PLPP7: variants seen among roughly 807,000 people sequenced by gnomAD.
PLPP7 encodes the protein phospholipid phosphatase 7 (inactive).
In PLPP7, 11 loss-of-function variants were observed where a neutral mutation model predicts 16.9. The ratio of observed to expected loss-of-function variants is 0.65; its 90% confidence interval spans 0.41 to 1.08. The LOEUF (loss-of-function observed/expected upper bound fraction) is 1.08. PLPP7 is among the 50% of genes least tolerant of loss of function. PLPP7 has a pLI of 0.00. For synonymous variants in PLPP7, 174 were observed against 175.1 expected (o/e 0.99, Z 0.05); for missense variants, 358 against 397.1 (o/e 0.90, Z 0.84).
At chr9:131,306,485 C>T (rs1007434695) in intron 1 of PLPP7, among the ~76,000 whole-genome samples, 25 of 148,030 alleles carry the variant, frequency 1.7e-4, no homozygotes, top group East Asian at 2.0e-4. Flanking sequence ...GGCAGTGAGC[C>T]GAGATCATGC....
intron 1 of PLPP7, among the ~76,000 whole-genome samples, chr9:131,307,111 T>C: frequency 6.6e-6 from 1 of 150,382 alleles, no homozygotes; most frequent in Non-Finnish European, 1.5e-5. Context: ...CCAAGCATGG[T>C]AGTGTGCACC....
At chr9:131,301,189 G>A (rs1161240234) in intron 1 of PLPP7, among the ~76,000 whole-genome samples, 1 of 152,062 alleles carries the variant, frequency 6.6e-6, no homozygotes, top group East Asian at 1.9e-4. Context: ...GGCTGGTCTC[G>A]AACTCCTGAC....
chr9:131,292,986 A>C lies in PLPP7; in HGVS notation c.451+2538A>C. 4.1e-6 allele frequency: 4 copies of C among 983,466 alleles called. No individual in the cohort carries two copies. In the South Asian group the frequency reaches 1.9e-4, roughly 46 times the overall value. 60.9% of individuals were successfully genotyped at this position (983,466 alleles called of 1,614,324 possible). A position where few individuals can be genotyped will look rare whatever the true frequency, so the allele number is the denominator to read the frequency against. On this transcript the variant is annotated intron_variant, in intron 1 of 1. Transcript: ENST00000372264. ...GATAGACATTTTTAAAAATCTTTAA[A>C]AACATCATGTATTGAGCTTTATTAT... is the stretch of plus-strand genomic sequence containing the variant.
chr9:131,304,101 A>G (rs1588210311), intron 1 of PLPP7, among the ~76,000 whole-genome samples: 1 of 151,340 alleles, frequency 6.6e-6, no homozygotes, highest in African/African-American at 2.4e-5. Context: ...TGCTGATGCC[A>G]CCCCCACCCC....
At chr9:131,301,883 C>A (rs1455439383) in intron 1 of PLPP7, among the ~76,000 whole-genome samples, 2 of 146,368 alleles carry the variant, frequency 1.4e-5, no homozygotes, top group African/African-American at 5.1e-5. Context: ...GTGGCGCAAT[C>A]TTGGCTCACT....
chr9:131,304,747 A>G (rs1176139750), intron 1 of PLPP7, among the ~76,000 whole-genome samples: 1 of 152,152 alleles, frequency 6.6e-6, no homozygotes, highest in African/African-American at 2.4e-5. Flanking sequence ...AGCCACGGGG[A>G]AAAAAACCTA....
intron 1 of PLPP7, among the ~76,000 whole-genome samples, chr9:131,291,829 G>A (rs951287079): frequency 2.0e-5 from 3 of 152,110 alleles, no homozygotes; most frequent in East Asian, 3.8e-4. Flanking sequence ...TGATCCACCC[G>A]CCTTGGCCTC....
chr9:131,296,205 G>A (rs1188961935), intron 1 of PLPP7, among the ~76,000 whole-genome samples: 2 of 152,094 alleles, frequency 1.3e-5, no homozygotes, highest in African/African-American at 4.8e-5. Context: ...ATGGGTATGA[G>A]GTGGTATCTC....
At position 131,304,178 on chromosome 9, in the gene PLPP7, A is replaced by G. The variant is rs867490800; in HGVS notation, c.452-3745A>G. On this transcript the variant is annotated intron_variant, in intron 1 of 1. Coordinates refer to ENST00000372264, the MANE Select transcript of PLPP7 (RefSeq NM_032728.4). ...TGGAGGGTTGACCTGGAACCCCCAC[A>G]TTGGCGGTCTGGGTGCCACTCAGAT... 1.6e-4 allele frequency among the ~76,000 whole-genome samples: 24 copies of G among 152,200 alleles called. 1 individual carries two copies. The highest frequency in any genetic ancestry group is 5.8e-4 in the African/African-American group (24 of 41,530).
intron 1 of PLPP7, among the ~76,000 whole-genome samples, chr9:131,293,558 G>A (rs970021705): frequency 4.6e-5 from 7 of 152,200 alleles, no homozygotes; most frequent in East Asian, 3.8e-4. Flanking sequence ...CCCCTGCCCC[G>A]GGGAAAGCAG....
At chr9:131,304,795 T>G (rs1340591949) in intron 1 of PLPP7, among the ~76,000 whole-genome samples, 1 of 152,174 alleles carries the variant, frequency 6.6e-6, no homozygotes, top group African/African-American at 2.4e-5. Flanking sequence ...CACGAAGTGA[T>G]GACTTCATGC....
At chr9:131,305,081 C>A (rs1199514733) in intron 1 of PLPP7, among the ~76,000 whole-genome samples, 1 of 152,168 alleles carries the variant, frequency 6.6e-6, no homozygotes, top group East Asian at 1.9e-4. Context: ...TGGGGTTCCT[C>A]AAAGAGTCAC....
At position 131,308,331 on chromosome 9, in the gene PLPP7, C is replaced by G; in HGVS notation, c.*44C>G. The stretch of plus-strand genomic sequence containing the variant: ...CAAGCCTCTGGGGGCAGGGCTGGCC[C>G]TAGAGAAGGGGCAGGGGGTGGCGAG... On this transcript the variant is annotated 3_prime_UTR_variant, in exon 2 of 2. Coordinates refer to ENST00000372264, the MANE Select transcript of PLPP7 (RefSeq NM_032728.4). 6.5e-7 allele frequency: 1 copy of G among 1,535,982 alleles called. No individual in the cohort carries two copies. The highest frequency in any genetic ancestry group is 1.2e-5 in the South Asian group (1 of 81,356).
At chr9:131,297,861 A>G (rs970880917) in intron 1 of PLPP7, among the ~76,000 whole-genome samples, 42 of 152,146 alleles carry the variant, frequency 2.8e-4, no homozygotes, top group Non-Finnish European at 3.5e-4. Flanking sequence ...GTATATAAGC[A>G]CGTTTGCTTA....
At chr9:131,299,372 C>T (rs1415016191) in intron 1 of PLPP7, among the ~76,000 whole-genome samples, 1 of 32,702 alleles carries the variant, frequency 3.1e-5, no homozygotes, top group African/African-American at 6.8e-5. Flanking sequence ...GTCAACTGGT[C>T]GACTGGACAG....
Position 131,290,525 on chromosome 9 carries a change from C to A in PLPP7, c.451+77C>A, listed in dbSNP as rs966209175. The A allele has an allele frequency of 7.3e-6, 10 of 1,364,680 alleles. No homozygotes were observed. The highest frequency in any genetic ancestry group is 9.7e-6 in the Non-Finnish European group (10 of 1,029,290). The allele number at this position is 1,364,680 out of a possible 1,614,324, so 84.5% of individuals were successfully genotyped here. ...CTGGCCTGCCCAACCCCACCCTGGC[C>A]GGGACCTGCACAGCCCTCAGAAACC... On this transcript the variant is annotated intron_variant, in intron 1 of 1. Transcript: ENST00000372264. This position sits in a 1 kb window ranked among gnomAD's most constrained non-coding sequence, Gnocchi z 4.2.
chr9:131,295,750 T>C lies in PLPP7; in HGVS notation c.451+5302T>C, dbSNP rs904760731. Among the ~76,000 whole-genome samples, 1 of 152,120 alleles carries C rather than the reference T, an allele frequency of 6.6e-6. No homozygotes were observed. Among genetic ancestry groups the C allele is most frequent in the East Asian group, 1.9e-4 (1 of 5,192 alleles). On this transcript the variant is annotated intron_variant, in intron 1 of 1. Coordinates refer to ENST00000372264, the MANE Select transcript of PLPP7 (RefSeq NM_032728.4). This position sits in a 1 kb window ranked among gnomAD's most constrained non-coding sequence, Gnocchi z 4.0. The stretch of plus-strand genomic sequence containing the variant: ...TAGGGACCTCAAGTAAGTGGAATCG[T>C]ACTGTATTTGTCTTTTGTGGCTGGC...
intron 1 of PLPP7, among the ~76,000 whole-genome samples, chr9:131,301,244 C>T (rs1233919974): frequency 3.9e-5 from 6 of 152,164 alleles, no homozygotes; most frequent in East Asian, 3.8e-4. Flanking sequence ...GCTGGGCTTA[C>T]GGGCATGAGC....
In PLPP7 at chr9:131,290,392, G is replaced by T; in HGVS notation, c.395G>T (p.Cys132Phe). 6.3e-7 allele frequency: 1 copy of T among 1,596,568 alleles called. No individual in the cohort carries two copies. The highest frequency in any genetic ancestry group is 8.5e-7 in the Non-Finnish European group (1 of 1,171,758). Reference sequence around the variant, plus strand: ...CCCTGGATCGGAGGCACCATCCTCTGCCTGGTGAAGAGCAGCACACTGGCC... The same window carrying T: ...CCCTGGATCGGAGGCACCATCCTCTTCCTGGTGAAGAGCAGCACACTGGCC... ...GIPWIGGTIL[C>F]LVKSSTLAGQ... The change falls in exon 1 of 2, where the codon TGC becomes TTC. Residue 132 changes from cysteine (C) to phenylalanine (F), a missense_variant. Coordinates refer to ENST00000372264, the MANE Select transcript of PLPP7 (RefSeq NM_032728.4). This position sits in a 1 kb window ranked among gnomAD's most constrained non-coding sequence, Gnocchi z 4.2.
Sources: allele counts gnomAD v4.1 joint callset (sites outside exome capture counted in the v4.1 genomes callset), GRCh38; gene constraint gnomAD v4.1.1; non-coding constraint Gnocchi (gnomAD v3.1); transcripts MANE v1.5; gene names NCBI Gene and HGNC (gene_info 2026-07-23, HGNC 2026-07-21).